The following TIMP3 variants were observed in gnomAD, a reference collection of about 807,000 sequenced individuals.
TIMP3 encodes the protein TIMP metallopeptidase inhibitor 3.
In TIMP3, 11 loss-of-function variants were observed where a neutral mutation model predicts 30.0. The observed-to-expected ratio is 0.37, with a 90% CI of 0.23 to 0.61. The LOEUF (loss-of-function observed/expected upper bound fraction) is 0.61, where lower values mean the gene tolerates loss of function less well. Ranked by LOEUF, TIMP3 falls within the 20% of genes least tolerant of loss-of-function variation. The pLI is 0.70. For synonymous variants in TIMP3, 112 were observed against 111.3 expected, an observed-to-expected ratio of 1.01 and a Z score of -0.04; for missense variants, 181 against 276.8, an observed-to-expected ratio of 0.65 and a Z score of 2.45.
intron 1 of TIMP3, among the ~76,000 whole-genome samples, chr22:32,840,812 C>G (rs964414069): frequency 2.0e-5 from 3 of 152,200 alleles, no homozygotes; most frequent in African/African-American, 7.2e-5. Context: ...TGGCTCTGTC[C>G]TGGCTTTCCG....
intron 1 of TIMP3, among the ~76,000 whole-genome samples, chr22:32,820,177 A>G (rs1418280948): frequency 2.6e-5 from 4 of 151,956 alleles, no homozygotes; most frequent in African/African-American, 9.7e-5. Flanking sequence ...TCCTGTGCCC[A>G]AGCCCTTCCT....
At chr22:32,819,125 A>T (rs74674349) in intron 1 of TIMP3, among the ~76,000 whole-genome samples, 6,610 of 152,172 alleles carry the variant, frequency 0.043, 174 homozygotes, top group Non-Finnish European at 0.046. Flanking sequence ...TGCTCAGGGG[A>T]ATTTTGTTTT....
chr22:32,814,987 G>T (rs1350900891), intron 1 of TIMP3, among the ~76,000 whole-genome samples: 1 of 152,092 alleles, frequency 6.6e-6, no homozygotes, highest in East Asian at 1.9e-4. Context: ...TTATTAATAA[G>T]ATCTTAATAT....
intron 1 of TIMP3, among the ~76,000 whole-genome samples, chr22:32,840,281 A>G (rs1175902193): frequency 6.6e-6 from 1 of 152,164 alleles, no homozygotes; most frequent in Non-Finnish European, 1.5e-5. Context: ...TACTTAACGG[A>G]AAGAGTTAGT....
intron 1 of TIMP3, among the ~76,000 whole-genome samples, chr22:32,818,752 A>C (rs192178734): frequency 6.6e-6 from 1 of 152,154 alleles, no homozygotes; most frequent in African/African-American, 2.4e-5. Flanking sequence ...GGAAAGTCTC[A>C]GGATAAAACT....
At chr22:32,856,364 C>G (rs1381735863) in intron 2 of TIMP3, among the ~76,000 whole-genome samples, 4 of 152,010 alleles carry the variant, frequency 2.6e-5, no homozygotes, top group African/African-American at 9.7e-5. Flanking sequence ...AGGCACCAAC[C>G]TGGCTAGTCA....
In TIMP3 at chr22:32,861,143, T is replaced by C. The variant is rs1000292896; in HGVS notation, c.*1766T>C. 1 of 148,502 alleles carries C rather than the reference T, an allele frequency of 6.7e-6. No individual in the cohort carries two copies. The highest frequency in any genetic ancestry group is 2.0e-4 in the East Asian group (1 of 5,038). The allele number at this position is 148,502 out of a possible 1,614,324, so 9.2% of individuals were successfully genotyped here. On this transcript the variant is annotated 3_prime_UTR_variant, in exon 5 of 5. Transcript: ENST00000266085. ...TTTGTATCTTCAGTTCATTCCACTT[T>C]AGGAAACAGAGCTGCCAATTGAAAC...
chr22:32,824,016 C>T (rs537583882), intron 1 of TIMP3, among the ~76,000 whole-genome samples: 73 of 152,278 alleles, frequency 4.8e-4, no homozygotes, highest in African/African-American at 9.6e-4. Context: ...CGGTGACTCA[C>T]GCCTGTAATC....
At position 32,841,580 on chromosome 22, in the gene TIMP3, GT is replaced by G. The variant is rs1399727471; in HGVS notation, c.122-7868del. Among the ~76,000 whole-genome samples the G allele has an allele frequency of 2.6e-5, 4 of 151,810 alleles. No homozygotes were observed. In the East Asian group the frequency reaches 5.8e-4, roughly 22 times the overall value. ...GTGTTGGATGGGTCGAATTTGAGATGTTTTATTAGGCTTGCAGGTATAAATG... is the reference window on the plus strand; with the variant it reads ...GTGTTGGATGGGTCGAATTTGAGATGTTTATTAGGCTTGCAGGTATAAATG... On this transcript the variant is annotated intron_variant, in intron 1 of 4. Transcript: ENST00000266085.
intron 1 of TIMP3, among the ~76,000 whole-genome samples, chr22:32,833,182 T>G (rs1057267195): frequency 6.6e-6 from 1 of 152,070 alleles, no homozygotes; most frequent in African/African-American, 2.4e-5. Context: ...CCTGGGAAAT[T>G]TGCATTTATC....
At chr22:32,841,672 TG>T (rs2047907241) in intron 1 of TIMP3, among the ~76,000 whole-genome samples, 1 of 90,046 alleles carries the variant, frequency 1.1e-5, no homozygotes, top group Non-Finnish European at 2.1e-5. Context: ...CAACATACAC[TG>T]GGGCCTGTTG....
At chr22:32,839,332 G>A (rs147414851) in intron 1 of TIMP3, among the ~76,000 whole-genome samples, 25 of 152,256 alleles carry the variant, frequency 1.6e-4, no homozygotes, top group African/African-American at 6.0e-4. Context: ...AGGGGAGAAG[G>A]ACTGTGTTTC....
intron 1 of TIMP3, among the ~76,000 whole-genome samples, chr22:32,822,929 CA>C (rs367976058): frequency 9.5e-4 from 24 of 25,342 alleles, no homozygotes; most frequent in East Asian, 6.8e-3. Context: ...ACAACAACAA[CA>C]AAAAAAAAAC....
chr22:32,822,322 T>C (rs1225859335), intron 1 of TIMP3, among the ~76,000 whole-genome samples: 1 of 152,138 alleles, frequency 6.6e-6, no homozygotes, highest in Non-Finnish European at 1.5e-5. Flanking sequence ...ATGTGCTCCA[T>C]GTGCTGATGC....
At chr22:32,854,861 G>A (rs2048321677) in intron 2 of TIMP3, among the ~76,000 whole-genome samples, 1 of 152,158 alleles carries the variant, frequency 6.6e-6, no homozygotes, top group African/African-American at 2.4e-5. Context: ...CTTTTAACAA[G>A]GCAGGGGCGC....
chr22:32,857,496 C>T (rs1158199052), intron 3 of TIMP3, 136 bp downstream of exon 3: 2 of 746,100 alleles, frequency 2.7e-6, no homozygotes, highest in East Asian at 5.4e-5. Context: ...TTGAATTCAT[C>T]CCACTTACCC....
At chr22:32,849,315 AATC>A in intron 1 of TIMP3, 134 bp from the exon 2 acceptor site, 1 of 728,550 alleles carries the variant, frequency 1.4e-6, no homozygotes, top group East Asian at 2.7e-5. Flanking sequence ...TTGTAAACAC[AATC>A]ATCTATTCCA....
chr22:32,802,628 C>G (rs1379312710), intron 1 of TIMP3, among the ~76,000 whole-genome samples: 3 of 152,118 alleles, frequency 2.0e-5, no homozygotes, highest in Non-Finnish European at 4.4e-5. Context: ...CACTGAGACC[C>G]AACCCAGCTG....
At chr22:32,854,557 G>A (rs1193148174) in intron 2 of TIMP3, among the ~76,000 whole-genome samples, 1 of 152,156 alleles carries the variant, frequency 6.6e-6, no homozygotes, top group Non-Finnish European at 1.5e-5. Context: ...AAAATAAGAA[G>A]TTGCTCGGCA....
Sources: allele counts gnomAD v4.1 joint callset (sites outside exome capture counted in the v4.1 genomes callset), GRCh38; gene constraint gnomAD v4.1.1; transcripts MANE v1.5; gene names NCBI Gene and HGNC (gene_info 2026-07-23, HGNC 2026-07-21).